The following COL24A1 variants were observed in gnomAD, a reference collection of about 807,000 sequenced individuals.
COL24A1 encodes the protein collagen type XXIV alpha 1 chain.
A neutral mutation model predicts 253.9 loss-of-function variants in COL24A1; 224 were observed. The ratio of observed to expected loss-of-function variants is 0.88; its 90% CI spans 0.79 to 0.99. COL24A1 has a LOEUF of 0.99. Among genes scored for constraint, COL24A1 ranks in the 50% least tolerant of loss-of-function variants. The pLI is 0.00. For missense variants in COL24A1, 2,131 were observed against 2,068.5 expected, an observed-to-expected ratio of 1.03 and a Z score of -0.59; for synonymous variants, 685 against 673.7, an observed-to-expected ratio of 1.02 and a Z score of -0.26.
At chr1:85,891,671 C>T (rs1036572118) in intron 31 of COL24A1, among the ~76,000 whole-genome samples, 1 of 152,120 alleles carries the variant, frequency 6.6e-6, no homozygotes, top group Non-Finnish European at 1.5e-5. Flanking sequence ...GAGAGAGGAT[C>T]ATTATAAGGA....
chr1:86,093,289 C>T (rs1318387458), intron 5 of COL24A1, among the ~76,000 whole-genome samples: 3 of 151,916 alleles, frequency 2.0e-5, no homozygotes, highest in Non-Finnish European at 4.4e-5. Context: ...ATTCTATAGT[C>T]AAAGAAAAAT....
chr1:85,905,933 A>G (rs1041728150), intron 28 of COL24A1, among the ~76,000 whole-genome samples: 1 of 152,092 alleles, frequency 6.6e-6, no homozygotes, highest in African/African-American at 2.4e-5. Flanking sequence ...GACTTATACA[A>G]AGTTGAATAA....
At chr1:86,058,318 A>G (rs1017993315) in intron 9 of COL24A1, among the ~76,000 whole-genome samples, 1 of 151,348 alleles carries the variant, frequency 6.6e-6, no homozygotes, top group African/African-American at 2.4e-5. Flanking sequence ...AGGCCCATAA[A>G]TTTTTTTTAA....
chr1:86,039,767 G>T (rs986196042), intron 12 of COL24A1, among the ~76,000 whole-genome samples: 5 of 152,106 alleles, frequency 3.3e-5, no homozygotes, highest in Admixed American at 6.6e-5. Context: ...TTCTGCATAT[G>T]AATACATATT....
intron 7 of COL24A1, among the ~76,000 whole-genome samples, chr1:86,073,827 A>G (rs1702045717): frequency 6.6e-6 from 1 of 152,218 alleles, no homozygotes; most frequent in Non-Finnish European, 1.5e-5. Flanking sequence ...AGCATGCTTA[A>G]AGAAAAGAAT....
At chr1:85,926,327 A>G (rs201676829) in intron 24 of COL24A1, among the ~76,000 whole-genome samples, 1 of 152,236 alleles carries the variant, frequency 6.6e-6, no homozygotes, top group African/African-American at 2.4e-5. Context: ...ATTACTGGGT[A>G]TATACCCAAA....
At chr1:85,935,082 A>C (rs1026601410) in intron 24 of COL24A1, among the ~76,000 whole-genome samples, 2 of 152,124 alleles carry the variant, frequency 1.3e-5, no homozygotes, top group Non-Finnish European at 2.9e-5. Context: ...AAAACTTTAA[A>C]ACTCTCTCCT....
chr1:85,818,617 C>A (rs148722305), intron 45 of COL24A1, among the ~76,000 whole-genome samples: 6 of 152,150 alleles, frequency 3.9e-5, no homozygotes, highest in African/African-American at 1.4e-4. Context: ...TTATTTCCCA[C>A]GGAACTGTTT....
chr1:85,832,335 T>C (rs1216578471), intron 43 of COL24A1, among the ~76,000 whole-genome samples: 2 of 152,060 alleles, frequency 1.3e-5, no homozygotes, highest in African/African-American at 2.4e-5. Context: ...TGTAGCCTTG[T>C]AGTATAGTTT....
rs10582249 is a variant in COL24A1 at position 86,020,061 on chromosome 1, C to CTTTTTTTTT, written c.2256+2170_2256+2178dup. Among the ~76,000 whole-genome samples the CTTTTTTTTT allele has an allele frequency of 5.0e-3, 516 of 102,556 alleles. 1 individual carries two copies. The highest frequency in any genetic ancestry group is 7.0e-3 in the East Asian group (18 of 2,586). 67.3% of individuals were successfully genotyped at this position (102,556 alleles called of 152,430 possible). A position where few individuals can be genotyped will look rare whatever the true frequency, so the allele number is the denominator to read the frequency against. On this transcript the variant is annotated intron_variant, in intron 18 of 59. Transcript: ENST00000370571. ...CCTAAACTTTCTTTTTTCATTCTTT[C>CTTTTTTTTT]TTTTTTTTTTTTTTTTTTTTTTTTG... is the stretch of plus-strand genomic sequence containing the variant.
At chr1:86,144,740 T>C (rs538773526) in intron 2 of COL24A1, among the ~76,000 whole-genome samples, 1 of 152,244 alleles carries the variant, frequency 6.6e-6, no homozygotes, top group East Asian at 1.9e-4. Context: ...ATTAAGCTTT[T>C]ACTTGGAGGT....
chr1:86,040,918 G>C (rs1006301646), intron 12 of COL24A1, among the ~76,000 whole-genome samples: 1 of 152,112 alleles, frequency 6.6e-6, no homozygotes, highest in African/African-American at 2.4e-5. Context: ...TCCACAAAAT[G>C]TATGTATCTG....
At chr1:85,852,591 G>A (rs1248301449) in intron 37 of COL24A1, among the ~76,000 whole-genome samples, 1 of 151,914 alleles carries the variant, frequency 6.6e-6, no homozygotes, top group Non-Finnish European at 1.5e-5. Flanking sequence ...ATAATATTGA[G>A]TTTTCCTATC....
chr1:85,800,561 G>T (rs1570670195), intron 47 of COL24A1, among the ~76,000 whole-genome samples: 1 of 152,262 alleles, frequency 6.6e-6, no homozygotes, highest in African/African-American at 2.4e-5. Context: ...AGATAAACCT[G>T]GAGAATCAGG....
intron 7 of COL24A1, 54 bp downstream of exon 7, chr1:86,089,120 A>G (rs1297080220): frequency 1.4e-6 from 2 of 1,420,378 alleles, no homozygotes; most frequent in Non-Finnish European, 9.6e-7. Context: ...GAAGAAAAAG[A>G]CAAAAAAAAG....
intron 32 of COL24A1, among the ~76,000 whole-genome samples, chr1:85,885,512 T>C (rs1229100359): frequency 6.6e-6 from 1 of 151,798 alleles, no homozygotes; most frequent in Non-Finnish European, 1.5e-5. Flanking sequence ...TGAGCCACCG[T>C]GCCCAACTCA....
chr1:86,125,914 T>TG lies in COL24A1; in HGVS notation c.421_422insC (p.Lys141ThrfsTer7). The TG allele has an allele frequency of 6.2e-7, 1 of 1,613,162 alleles. No homozygotes were observed. The highest frequency in any genetic ancestry group is 1.1e-5 in the South Asian group (1 of 91,066). ...CTTTCCTCTAATGTGTACTACTAAT[T>TG]TTTTAGGTAGTAATTGTACTCCTAA... is the stretch of plus-strand genomic sequence containing the variant. On this transcript the variant is annotated frameshift_variant, in exon 3 of 60. Transcript: ENST00000370571. LOFTEE classifies it high-confidence loss of function.
At chr1:86,153,870 C>T (rs1332352422) in intron 1 of COL24A1, among the ~76,000 whole-genome samples, 2 of 152,096 alleles carry the variant, frequency 1.3e-5, no homozygotes, top group East Asian at 1.9e-4. Flanking sequence ...CTAAAGCTGA[C>T]TTTGAGATTT....
chr1:85,937,082 A>G (rs1688305769), intron 24 of COL24A1, among the ~76,000 whole-genome samples: 1 of 147,506 alleles, frequency 6.8e-6, no homozygotes, highest in Non-Finnish European at 1.5e-5. Flanking sequence ...TCTTTAGCTG[A>G]CACCTTTGCT....
Sources: gnomAD v4.1 joint callset for allele counts (sites outside exome capture counted in the v4.1 genomes callset) on GRCh38, gnomAD v4.1.1 for gene constraint, MANE v1.5 for transcripts, NCBI Gene and HGNC (gene_info 2026-07-23, HGNC 2026-07-21) for gene names.